RUBCN: variants seen among roughly 807,000 people sequenced by gnomAD.
RUBCN encodes the protein run domain Beclin-1-interacting and cysteine-rich domain-containing protein.
A neutral mutation model predicts 113.2 loss-of-function variants in RUBCN; 74 were observed. The observed-to-expected ratio is 0.65, with a 90% CI of 0.54 to 0.79. The LOEUF is 0.79. RUBCN is among the 30% of genes least tolerant of loss of function. RUBCN has a pLI of 0.00. For missense variants in RUBCN, 1,109 were observed against 1,251.7 expected, an observed-to-expected ratio of 0.89 and a Z score of 1.72; for synonymous variants, 480 against 490.0, an observed-to-expected ratio of 0.98 and a Z score of 0.27.
intron 1 of RUBCN, among the ~76,000 whole-genome samples, chr3:197,731,192 G>T (rs1291851055): frequency 6.6e-6 from 1 of 151,860 alleles, no homozygotes; most frequent in Admixed American, 6.6e-5. Context: ...GAGTGGTGAT[G>T]ACTCTTAAGG....
chr3:197,736,939 C>T (rs1205075757), upstream of RUBCN: 13 of 1,337,450 alleles, frequency 9.7e-6, no homozygotes, highest in African/African-American at 1.6e-5. Context: ...CAGCCCCCGG[C>T]GAGCACTCCG....
In RUBCN at chr3:197,675,649, A is replaced by C; in HGVS notation, c.2647-134T>G. The C allele has an allele frequency of 1.4e-6, 1 of 724,818 alleles. No homozygotes were observed. The highest frequency in any genetic ancestry group is 2.5e-6 in the Non-Finnish European group (1 of 404,198). The allele number at this position is 724,818 out of a possible 1,614,324, so 44.9% of individuals were successfully genotyped here. A position where few individuals can be genotyped will look rare whatever the true frequency, so the allele number is the denominator to read the frequency against. On this transcript the variant is annotated intron_variant, in intron 18 of 19. Coordinates refer to ENST00000296343, the MANE Select transcript of RUBCN (RefSeq NM_014687.4). This position sits in a 1 kb window ranked among gnomAD's most constrained non-coding sequence, Gnocchi z 4.4. ...GGGAGGAGGCCTGGGCTGGACTCAG[A>C]AGCATGAAAGCTAAACTAGGACCAG...
intron 11 of RUBCN, among the ~76,000 whole-genome samples, chr3:197,689,027 CTTTT>C (rs1309240033): frequency 1.5e-5 from 2 of 136,574 alleles, no homozygotes. Context: ...TGGGTGAATT[CTTTT>C]TTTTTTTTTT....
At chr3:197,748,591 C>T (rs1728861261) in intron 1 of RUBCN, 1 of 152,166 alleles carries the variant, frequency 6.6e-6, no homozygotes, top group Non-Finnish European at 1.5e-5. Flanking sequence ...TTGAGTTCAG[C>T]TGGAAACATA....
At chr3:197,704,989 T>C in intron 3 of RUBCN, 103 bp downstream of exon 3, 1 of 889,836 alleles carries the variant, frequency 1.1e-6, no homozygotes, top group Non-Finnish European at 1.8e-6. Flanking sequence ...GATAGGCAAC[T>C]GGACATATTC....
chr3:197,735,917 C>T (rs1037831986), intron 1 of RUBCN, among the ~76,000 whole-genome samples: 1 of 152,094 alleles, frequency 6.6e-6, no homozygotes, highest in African/African-American at 2.4e-5. Flanking sequence ...TTTAAATCCC[C>T]CAATTTCTAG....
At chr3:197,741,087 A>G (rs1454133552), upstream of RUBCN, among the ~76,000 whole-genome samples, 2 of 152,210 alleles carry the variant, frequency 1.3e-5, no homozygotes, top group Admixed American at 6.5e-5. Context: ...TTTTCTCTAC[A>G]TTTGCAAGTT....
upstream of RUBCN, among the ~76,000 whole-genome samples, chr3:197,740,400 C>T (rs1728477454): frequency 6.6e-6 from 1 of 150,668 alleles, no homozygotes; most frequent in Non-Finnish European, 1.5e-5. Context: ...ACCTGGGAGG[C>T]GGAGGTTGCA....
chr3:197,700,914 C>A lies in RUBCN; in HGVS notation c.960G>T (p.Glu320Asp), dbSNP rs1174184705. The A allele has an allele frequency of 6.2e-7, 1 of 1,614,212 alleles. No homozygotes were observed. Among genetic ancestry groups the A allele is most frequent in the Non-Finnish European group, 8.5e-7 (1 of 1,180,036 alleles). ...TGCCAATGGCCAGGTACTCAGGCCC[C>A]TCACTGGCATCACCTGGGGAATCAT... ...SQNDSPGDAS[E>D]GPEYLAIGNL... Residue 320 changes from glutamate to aspartate, a missense_variant, in exon 7 of 20, where the codon GAG becomes GAT. Physicochemically the swap from Glu to Asp is conservative, Grantham distance 45. Coordinates refer to ENST00000296343, the MANE Select transcript of RUBCN (RefSeq NM_014687.4).
chr3:197,730,162 C>T (rs1282368970), intron 1 of RUBCN, among the ~76,000 whole-genome samples: 1 of 152,088 alleles, frequency 6.6e-6, no homozygotes, highest in East Asian at 1.9e-4. Context: ...GAATTTGTCC[C>T]TTTATTTTGG....
At chr3:197,691,104 G>A in intron 11 of RUBCN, 1 of 1,289,566 alleles carries the variant, frequency 7.8e-7, no homozygotes. Flanking sequence ...GACACTGACA[G>A]TCCGTTCTTT....
intron 1 of RUBCN, among the ~76,000 whole-genome samples, chr3:197,747,301 T>G (rs896410900): frequency 6.6e-6 from 1 of 152,196 alleles, no homozygotes; most frequent in Non-Finnish European, 1.5e-5. Context: ...CTAGGACTGT[T>G]TAATCAAATA....
At chr3:197,714,672 C>T (rs1725323436) in intron 2 of RUBCN, among the ~76,000 whole-genome samples, 1 of 152,134 alleles carries the variant, frequency 6.6e-6, no homozygotes, top group South Asian at 2.1e-4. Flanking sequence ...TAGCTCTTTT[C>T]CAATGTGATT....
chr3:197,738,940 GTA>G (rs1326659919), upstream of RUBCN, among the ~76,000 whole-genome samples: 1 of 151,834 alleles, frequency 6.6e-6, no homozygotes, highest in Non-Finnish European at 1.5e-5. Flanking sequence ...TTGGCATACA[GTA>G]TAATCCCAAA....
rs528536669 is a variant in RUBCN, at chr3:197,682,733, C to G, written c.1981-118G>C. On this transcript the variant is annotated intron_variant, in intron 13 of 19. Coordinates refer to ENST00000296343, the MANE Select transcript of RUBCN (RefSeq NM_014687.4). ...AAAACACAGTTGGGGTAAGTTCACA[C>G]GGACGGGCTTGAGAAACAGAAATGC... 2.2e-6 allele frequency: 3 copies of G among 1,350,740 alleles called. No homozygotes were observed. In the South Asian group the frequency reaches 3.6e-5, roughly 16 times the overall value. The allele number at this position is 1,350,740 out of a possible 1,614,324, so 83.7% of individuals were successfully genotyped here.
intron 1 of RUBCN, among the ~76,000 whole-genome samples, chr3:197,746,252 A>G (rs1728741349): frequency 2.0e-5 from 3 of 152,214 alleles, no homozygotes; most frequent in Non-Finnish European, 4.4e-5. Context: ...CAGTGCTCCA[A>G]AGTGAGGAGG....
chr3:197,684,012 C>T (rs560723078), intron 12 of RUBCN, 145 bp downstream of exon 12: 72 of 657,024 alleles, frequency 1.1e-4, no homozygotes, highest in Non-Finnish European at 1.6e-4. Context: ...CCCGTGGGCT[C>T]GGCACCATCA....
chr3:197,712,268 C>T (rs1725042971), intron 2 of RUBCN, among the ~76,000 whole-genome samples: 1 of 152,152 alleles, frequency 6.6e-6, no homozygotes, highest in South Asian at 2.1e-4. Context: ...AGCCCAGATG[C>T]AGCTGTCAAG....
chr3:197,720,764 A>C (rs760037691), intron 1 of RUBCN, among the ~76,000 whole-genome samples: 3 of 152,148 alleles, frequency 2.0e-5, no homozygotes, highest in Non-Finnish European at 2.9e-5. Flanking sequence ...CACTGCAATA[A>C]ATAGAGGAGT....
Sources: gnomAD v4.1 joint callset for allele counts (sites outside exome capture counted in the v4.1 genomes callset) on GRCh38, gnomAD v4.1.1 for gene constraint, Gnocchi (gnomAD v3.1) non-coding constraint, MANE v1.5 for transcripts, NCBI Gene and HGNC (gene_info 2026-07-23, HGNC 2026-07-21) for gene names.